The following ATP8A2 variants were observed in gnomAD, a reference collection of about 807,000 sequenced individuals.
The protein encoded by ATP8A2 is phospholipid-transporting ATPase IB.
Under a neutral mutation model 165.6 loss-of-function variants are expected in ATP8A2, and 100 were observed. The ratio of observed to expected loss-of-function variants is 0.60; its 90% CI spans 0.51 to 0.71. The LOEUF is 0.71. Among genes scored for constraint, ATP8A2 ranks in the 30% least tolerant of loss-of-function variants. The pLI is 0.00. For missense variants in ATP8A2, 1,227 were observed against 1,479.5 expected (o/e 0.83, Z 2.80); for synonymous variants, 543 against 548.8 (o/e 0.99, Z 0.15).
At chr13:25,937,362 C>CTTTCTTTCTTTTTTTT in intron 33 of ATP8A2, among the ~76,000 whole-genome samples, 1 of 38,798 alleles carries the variant, frequency 2.6e-5, no homozygotes, top group Non-Finnish European at 5.5e-5. Flanking sequence ...TTCTTTCTTT[C>CTTTCTTTCTTTTTTTT]TTTTTTTTTT....
intron 2 of ATP8A2, among the ~76,000 whole-genome samples, chr13:25,494,543 C>T (rs1273050181): frequency 6.6e-6 from 1 of 152,122 alleles, no homozygotes; most frequent in Non-Finnish European, 1.5e-5. Flanking sequence ...GGGACACAGC[C>T]CGCTTTTCTG....
chr13:25,883,525 A>G (rs903525118), intron 33 of ATP8A2, among the ~76,000 whole-genome samples: 3 of 152,206 alleles, frequency 2.0e-5, no homozygotes, highest in African/African-American at 7.2e-5. Flanking sequence ...CGGGACTGGC[A>G]TGGAATAAGC....
chr13:25,815,612 G>A (rs1397774551), intron 27 of ATP8A2, among the ~76,000 whole-genome samples: 1 of 152,160 alleles, frequency 6.6e-6, no homozygotes. Context: ...TTAGCCACTT[G>A]AAAGATAGTA....
chr13:25,669,499 G>A (rs1452469570), intron 24 of ATP8A2, among the ~76,000 whole-genome samples: 4 of 152,318 alleles, frequency 2.6e-5, no homozygotes, highest in African/African-American at 9.6e-5. Flanking sequence ...TTCACCTCCT[G>A]CTGTGCAGAA....
chr13:25,790,348 A>T (rs909059886), intron 27 of ATP8A2, among the ~76,000 whole-genome samples: 4 of 152,168 alleles, frequency 2.6e-5, no homozygotes, highest in Admixed American at 6.5e-5. Flanking sequence ...AATATCTAGC[A>T]TCTATAAGGA....
intron 2 of ATP8A2, among the ~76,000 whole-genome samples, chr13:25,524,942 CCTT>C (rs2037795644): frequency 6.6e-6 from 1 of 151,062 alleles, no homozygotes; most frequent in Non-Finnish European, 1.5e-5. Flanking sequence ...TTCCTTCTTT[CCTT>C]CCGTCTTTCA....
chr13:25,704,879 G>A lies in ATP8A2; in HGVS notation c.2384+5534G>A, dbSNP rs151279945. Among the ~76,000 whole-genome samples, 61 of 152,202 alleles carry A rather than the reference G, an allele frequency of 4.0e-4. 1 individual carries two copies. Among genetic ancestry groups the A allele is most frequent in the African/African-American group, 1.4e-3 (58 of 41,518 alleles). ...TTTATGTTCTATCTGAATAATATCA[G>A]GGCCTATGCTCTTAAGTCACACAGT... On this transcript the variant is annotated intron_variant, in intron 25 of 36. Coordinates refer to ENST00000381655, the MANE Select transcript of ATP8A2 (RefSeq NM_016529.6).
chr13:25,742,918 G>C (rs1284506727), intron 25 of ATP8A2, among the ~76,000 whole-genome samples: 1 of 152,070 alleles, frequency 6.6e-6, no homozygotes, highest in African/African-American at 2.4e-5. Flanking sequence ...CTTTCTGGGG[G>C]AGCCAGCTTC....
At chr13:25,927,880 A>G (rs1189066749) in intron 33 of ATP8A2, among the ~76,000 whole-genome samples, 1 of 152,232 alleles carries the variant, frequency 6.6e-6, no homozygotes, top group Non-Finnish European at 1.5e-5. Flanking sequence ...TGTTGATACC[A>G]TTTATCTTCT....
Position 25,953,949 on chromosome 13 carries a change from G to C in ATP8A2, c.3184-7626G>C, listed in dbSNP as rs1169213145. 8.1e-6 allele frequency among the ~76,000 whole-genome samples: 1 copy of C among 124,208 alleles called. No individual in the cohort carries two copies. The highest frequency in any genetic ancestry group is 1.7e-5 in the Non-Finnish European group (1 of 60,138). The allele number at this position is 124,208 out of a possible 152,430, so 81.5% of individuals were successfully genotyped here. The stretch of plus-strand genomic sequence containing the variant: ...GGCTGTTTCGGCAGACACCGAGCTA[G>C]CTGCAGGAGTTTTTTTTTTTCATAC... On this transcript the variant is annotated intron_variant, in intron 33 of 36. Coordinates refer to ENST00000381655, the MANE Select transcript of ATP8A2 (RefSeq NM_016529.6). This position sits in a 1 kb window ranked among gnomAD's most constrained non-coding sequence, Gnocchi z 6.7.
At chr13:25,875,171 G>C (rs1385924675) in intron 33 of ATP8A2, among the ~76,000 whole-genome samples, 3 of 152,034 alleles carry the variant, frequency 2.0e-5, no homozygotes, top group Admixed American at 2.0e-4. Context: ...TTAGAGAGCC[G>C]TTGCACAACA....
rs148286749 is a variant in ATP8A2, at chr13:25,459,167, C to A, written c.77-9810C>A. On this transcript the variant is annotated intron_variant, in intron 1 of 36. Coordinates refer to ENST00000381655, the MANE Select transcript of ATP8A2 (RefSeq NM_016529.6). ...CATTTTCAAGAGAGAAGCCAGAGGA[C>A]GATGAAGTGATTTGGGAGCTAAAGC... Among the ~76,000 whole-genome samples the A allele has an allele frequency of 2.6e-5, 4 of 152,264 alleles. No individual in the cohort carries two copies. The East Asian group carries it at 7.7e-4, about 29-fold the overall frequency.
At chr13:25,684,814 A>G (rs1362776641) in intron 24 of ATP8A2, among the ~76,000 whole-genome samples, 1 of 152,162 alleles carries the variant, frequency 6.6e-6, no homozygotes, top group East Asian at 1.9e-4. Context: ...TCTGCAAATC[A>G]TCATTTCCCA....
At chr13:25,553,062 C>T (rs9578889) in intron 11 of ATP8A2, among the ~76,000 whole-genome samples, 9,654 of 151,946 alleles carry the variant, frequency 0.064, 399 homozygotes, top group South Asian at 0.13. Context: ...ATCAGTTAAA[C>T]GCTGTTGCAA....
chr13:25,904,479 C>T (rs374639120), intron 33 of ATP8A2, among the ~76,000 whole-genome samples: 15 of 152,314 alleles, frequency 9.8e-5, no homozygotes, highest in East Asian at 9.7e-4. Context: ...CTTTTGGCCT[C>T]GTGTCCTGCC....
chr13:25,676,426 C>A (rs1335176579), intron 24 of ATP8A2, among the ~76,000 whole-genome samples: 2 of 152,072 alleles, frequency 1.3e-5, no homozygotes, highest in Non-Finnish European at 2.9e-5. Context: ...AGGGAAATAA[C>A]CAGGTCATCT....
intron 1 of ATP8A2, among the ~76,000 whole-genome samples, chr13:25,412,934 C>T (rs2034014130): frequency 6.6e-6 from 1 of 152,178 alleles, no homozygotes; most frequent in East Asian, 1.9e-4. Flanking sequence ...AATTCTGCCT[C>T]AGCCTCCTGA....
At chr13:25,885,105 CTTTTT>C (rs869044168) in intron 33 of ATP8A2, among the ~76,000 whole-genome samples, 2 of 88,568 alleles carry the variant, frequency 2.3e-5, no homozygotes, top group African/African-American at 4.5e-5. Context: ...TCTCCGCTTG[CTTTTT>C]TTTTTTTTTT....
At chr13:25,794,422 C>A (rs1241302404) in intron 27 of ATP8A2, among the ~76,000 whole-genome samples, 1 of 152,196 alleles carries the variant, frequency 6.6e-6, no homozygotes, top group Non-Finnish European at 1.5e-5. Flanking sequence ...AAAAATGACA[C>A]CCTTTCGTAT....
Sources: allele counts gnomAD v4.1 joint callset (sites outside exome capture counted in the v4.1 genomes callset), GRCh38; gene constraint gnomAD v4.1.1; non-coding constraint Gnocchi (gnomAD v3.1); transcripts MANE v1.5; gene names NCBI Gene and HGNC (gene_info 2026-07-23, HGNC 2026-07-21).